Variants in PARD3B observed in about 807,000 individuals in gnomAD.
PARD3B encodes the protein par-3 family cell polarity regulator beta.
Under a neutral mutation model 130.2 loss-of-function variants are expected in PARD3B, and 103 were observed. The observed-to-expected ratio is 0.79, with a 90% confidence interval of 0.67 to 0.93. The LOEUF (loss-of-function observed/expected upper bound fraction) is 0.93, where lower values mean the gene tolerates loss of function less well. PARD3B is among the 40% of genes least tolerant of loss of function. The probability of loss-of-function intolerance (pLI) is 0.00; values close to 1 mark genes in which losing one functional copy is unlikely to be tolerated. For synonymous variants in PARD3B, 583 were observed against 553.2 expected (o/e 1.05, Z -0.76); for missense variants, 1,609 against 1,499.2 (o/e 1.07, Z -1.21).
chr2:205,522,049 A>G (rs548283322), intron 21 of PARD3B, among the ~76,000 whole-genome samples: 4 of 151,928 alleles, frequency 2.6e-5, no homozygotes, highest in African/African-American at 9.6e-5. Context: ...CTGTAAAATT[A>G]TATCTCTTTG....
intron 16 of PARD3B, among the ~76,000 whole-genome samples, chr2:205,277,943 C>T (rs1288304221): frequency 6.6e-6 from 1 of 151,786 alleles, no homozygotes; most frequent in African/African-American, 2.4e-5. Flanking sequence ...TGGAGAAAGC[C>T]CACATTTGGG....
chr2:205,436,771 G>A (rs2047532388), intron 19 of PARD3B, among the ~76,000 whole-genome samples: 6 of 152,066 alleles, frequency 3.9e-5, no homozygotes, highest in Admixed American at 3.9e-4. Context: ...TCTGAGATCA[G>A]CCTACTTCTT....
intron 19 of PARD3B, among the ~76,000 whole-genome samples, chr2:205,403,425 T>C (rs1180841219): frequency 2.0e-5 from 3 of 152,178 alleles, no homozygotes; most frequent in African/African-American, 7.2e-5. Flanking sequence ...TAGCACAGTT[T>C]CTCTGAAGAC....
chr2:205,081,139 A>G (rs917330962), intron 4 of PARD3B, among the ~76,000 whole-genome samples: 1 of 152,016 alleles, frequency 6.6e-6, no homozygotes, highest in Non-Finnish European at 1.5e-5. Context: ...CAATCTATCA[A>G]TCTTTTCCTT....
intron 2 of PARD3B, among the ~76,000 whole-genome samples, chr2:204,766,133 A>G (rs1261687998): frequency 6.6e-6 from 1 of 152,178 alleles, no homozygotes; most frequent in East Asian, 1.9e-4. Flanking sequence ...ATTGCCAGTG[A>G]AAGCTATCTT....
Position 205,122,281 on chromosome 2 carries a change from G to A in PARD3B, c.1165+332G>A, listed in dbSNP as rs1031200780. Among the ~76,000 whole-genome samples the A allele has an allele frequency of 1.3e-5, 2 of 152,142 alleles. No homozygotes were observed. The highest frequency in any genetic ancestry group is 2.4e-5 in the African/African-American group (1 of 41,438). On this transcript the variant is annotated intron_variant, in intron 8 of 22. Transcript: ENST00000406610. This position sits in a 1 kb window ranked among gnomAD's most constrained non-coding sequence, Gnocchi z 4.3. Reference sequence around the variant, plus strand: ...ATTCAGTTGTCCCTGTTCTGAGCACGATTAGTGATTCTTGAAGCATCCTTT... The same window carrying A: ...ATTCAGTTGTCCCTGTTCTGAGCACAATTAGTGATTCTTGAAGCATCCTTT...
At chr2:204,805,096 G>T (rs1198698226) in intron 2 of PARD3B, among the ~76,000 whole-genome samples, 2 of 151,904 alleles carry the variant, frequency 1.3e-5, no homozygotes, top group African/African-American at 2.4e-5. Context: ...GAGAGCTGAA[G>T]TAAATAAAAT....
intron 5 of PARD3B, among the ~76,000 whole-genome samples, chr2:205,107,469 G>A (rs1703310702): frequency 6.6e-6 from 1 of 152,174 alleles, no homozygotes; most frequent in African/African-American, 2.4e-5. Flanking sequence ...AACCGACTTA[G>A]CACAATGCTA....
intron 14 of PARD3B, among the ~76,000 whole-genome samples, chr2:205,191,212 A>G (rs571080426): frequency 2.6e-5 from 4 of 152,324 alleles, no homozygotes; most frequent in Admixed American, 2.6e-4. Flanking sequence ...ACCTACAGAA[A>G]TAAAGAAAAG....
intron 10 of PARD3B, among the ~76,000 whole-genome samples, chr2:205,129,643 C>T (rs1379451134): frequency 1.3e-5 from 2 of 152,174 alleles, no homozygotes; most frequent in East Asian, 3.9e-4. Flanking sequence ...AAGAAACTGT[C>T]CTCTTTTGTT....
chr2:204,634,137 T>G (rs1400126382), intron 1 of PARD3B, among the ~76,000 whole-genome samples: 1 of 152,136 alleles, frequency 6.6e-6, no homozygotes, highest in Non-Finnish European at 1.5e-5. Context: ...CTGCCCTAGC[T>G]CCCCATTATC....
intron 18 of PARD3B, among the ~76,000 whole-genome samples, chr2:205,398,579 A>G (rs1002721664): frequency 3.3e-5 from 5 of 152,194 alleles, no homozygotes; most frequent in Non-Finnish European, 7.3e-5. Context: ...GAGAAAATTT[A>G]GGAAAGAAGA....
chr2:204,792,067 T>C (rs2042222219), intron 2 of PARD3B, among the ~76,000 whole-genome samples: 1 of 152,188 alleles, frequency 6.6e-6, no homozygotes, highest in Admixed American at 6.5e-5. Flanking sequence ...CTTTTACATT[T>C]AACAAAAAGT....
At chr2:205,198,255 G>A (rs1216452332) in intron 15 of PARD3B, among the ~76,000 whole-genome samples, 1 of 152,198 alleles carries the variant, frequency 6.6e-6, no homozygotes, top group Non-Finnish European at 1.5e-5. Context: ...TAAGGGCAGT[G>A]CAAATGGAAG....
intron 15 of PARD3B, 59 bp downstream of exon 15, chr2:205,193,379 C>T: frequency 7.7e-7 from 1 of 1,296,902 alleles, no homozygotes; most frequent in Non-Finnish European, 1.1e-6. Flanking sequence ...ATTTATCTTC[C>T]CAAATGTCCT....
chr2:204,849,770 C>G (rs2044633666), intron 2 of PARD3B, among the ~76,000 whole-genome samples: 1 of 152,128 alleles, frequency 6.6e-6, no homozygotes, highest in African/African-American at 2.4e-5. Flanking sequence ...TGTATTCTTA[C>G]TCATGACTAG....
chr2:205,200,142 C>T (rs1055416126), intron 15 of PARD3B, among the ~76,000 whole-genome samples: 1 of 152,084 alleles, frequency 6.6e-6, no homozygotes, highest in South Asian at 2.1e-4. Context: ...CTTATTGAGA[C>T]TTATGGGTCA....
intron 2 of PARD3B, among the ~76,000 whole-genome samples, chr2:204,881,337 G>A (rs2046038213): frequency 1.2e-5 from 1 of 85,358 alleles, no homozygotes; most frequent in Admixed American, 1.1e-4. Context: ...TGAATACAGA[G>A]TATATCAACA....
In PARD3B at chr2:205,553,352, C is replaced by A. The variant is rs1288401869; in HGVS notation, c.3209C>A (p.Ala1070Glu). 2 of 1,613,918 alleles carry A rather than the reference C, an allele frequency of 1.2e-6. No homozygotes were observed. Among genetic ancestry groups the A allele is most frequent in the Non-Finnish European group, 1.7e-6 (2 of 1,179,926 alleles). The change falls in exon 22 of 23, where the codon GCA becomes GAA. Residue 1070 changes from alanine to glutamate, a missense_variant. Physicochemically the swap from Ala to Glu is moderately radical, Grantham distance 107. Transcript: ENST00000406610. Reference protein sequence around the residue: ...WVPGRGPDGNAHNLRFEGMER... With the variant: ...WVPGRGPDGNEHNLRFEGMER... Reference sequence around the variant, plus strand: ...CCTGGAAGGGGTCCAGATGGGAATGCACACAACCTCCGCTTTGAAGGGATG... The same window carrying A: ...CCTGGAAGGGGTCCAGATGGGAATGAACACAACCTCCGCTTTGAAGGGATG...
Sources: allele counts gnomAD v4.1 joint callset (sites outside exome capture counted in the v4.1 genomes callset), GRCh38; gene constraint gnomAD v4.1.1; non-coding constraint Gnocchi (gnomAD v3.1); transcripts MANE v1.5; gene names NCBI Gene and HGNC (gene_info 2026-07-23, HGNC 2026-07-21).